The following RANBP2 variants were observed in gnomAD, a reference collection of about 807,000 sequenced individuals.
RANBP2 encodes the protein RAN binding protein 2, also known as E3 SUMO-protein ligase RanBP2.
Under a neutral mutation model 303.6 loss-of-function variants are expected in RANBP2, and 57 were observed. The ratio of observed to expected loss-of-function variants is 0.19; its 90% CI spans 0.15 to 0.23. The LOEUF (loss-of-function observed/expected upper bound fraction) is 0.23. RANBP2 is among the 10% of genes least tolerant of loss of function. The pLI is 1.00. For synonymous variants in RANBP2, 1,167 were observed against 1,301.5 expected, an observed-to-expected ratio of 0.90 and a Z score of 2.23; for missense variants, 3,138 against 3,780.8, an observed-to-expected ratio of 0.83 and a Z score of 4.46.
At chr2:108,960,148 G>A in the RANBP2 span, among the ~76,000 whole-genome samples, 2 of 152,176 alleles carry the variant, frequency 1.3e-5, no homozygotes, top group Non-Finnish European at 1.5e-5. Flanking sequence ...AGCGGGGTGG[G>A]GATCCCAGCC....
At chr2:109,299,923 A>C in the RANBP2 span, among the ~76,000 whole-genome samples, 1 of 152,238 alleles carries the variant, frequency 6.6e-6, no homozygotes, top group Non-Finnish European at 1.5e-5. Flanking sequence ...GTGCAGAGCC[A>C]GCTCTTAGCA....
the RANBP2 span, among the ~76,000 whole-genome samples, chr2:109,645,824 ATG>A: frequency 6.6e-6 from 1 of 152,166 alleles, no homozygotes; most frequent in Non-Finnish European, 1.5e-5. Flanking sequence ...TAAGTCCAGC[ATG>A]AGTGTTCATT....
At chr2:108,753,742 A>G (rs1289965916) in intron 14 of RANBP2, 83 bp from the exon 15 acceptor site, 54 of 1,608,264 alleles carry the variant, frequency 3.4e-5, no homozygotes, top group Non-Finnish European at 4.2e-5. Context: ...CTGGGATTAC[A>G]GGCATGAGCC....
At chr2:108,954,778 C>T in the RANBP2 span, among the ~76,000 whole-genome samples, 11 of 151,990 alleles carry the variant, frequency 7.2e-5, no homozygotes, top group East Asian at 1.4e-3. Context: ...CAGGTTCAAG[C>T]GATTCTCCTG....
the RANBP2 span, among the ~76,000 whole-genome samples, chr2:109,651,105 T>A: frequency 6.6e-6 from 1 of 152,086 alleles, no homozygotes; most frequent in South Asian, 2.1e-4. Context: ...TTCTCCTTCA[T>A]ACATCCTCTC....
At chr2:109,163,004 T>A in the RANBP2 span, among the ~76,000 whole-genome samples, 1 of 152,214 alleles carries the variant, frequency 6.6e-6, no homozygotes, top group African/African-American at 2.4e-5. Flanking sequence ...ACTCCTTTGA[T>A]TTGGAGGGAA....
At chr2:109,565,929 T>G in the RANBP2 span, 2 of 1,315,136 alleles carry the variant, frequency 1.5e-6, no homozygotes, top group African/African-American at 2.9e-5. Context: ...AAATTTTATG[T>G]GAGAGAGAAG....
the RANBP2 span, among the ~76,000 whole-genome samples, chr2:109,444,410 C>A: frequency 6.6e-6 from 1 of 152,172 alleles, no homozygotes; most frequent in African/African-American, 2.4e-5. Context: ...AAAAAGCAGG[C>A]CTTGTTGGGT....
At chr2:109,361,671 T>C in the RANBP2 span, among the ~76,000 whole-genome samples, 1 of 152,192 alleles carries the variant, frequency 6.6e-6, no homozygotes, top group Non-Finnish European at 1.5e-5. Context: ...AGATGGGGTT[T>C]CACCATGTTG....
At chr2:108,836,375 A>C in the RANBP2 span, among the ~76,000 whole-genome samples, 1 of 152,216 alleles carries the variant, frequency 6.6e-6, no homozygotes, top group African/African-American at 2.4e-5. Flanking sequence ...TTGTTTATGC[A>C]TGAATACCAC....
At chr2:109,475,269 G>A in the RANBP2 span, among the ~76,000 whole-genome samples, 3 of 152,194 alleles carry the variant, frequency 2.0e-5, no homozygotes, top group Admixed American at 6.5e-5. Flanking sequence ...GAGCCACCAC[G>A]CCCGGCTTCA....
chr2:109,016,797 G>A, the RANBP2 span, among the ~76,000 whole-genome samples: 1 of 152,236 alleles, frequency 6.6e-6, no homozygotes, highest in South Asian at 2.1e-4. Flanking sequence ...TGAGTTTGGG[G>A]TGGCGTTTTA....
At chr2:109,577,816 G>A in the RANBP2 span, among the ~76,000 whole-genome samples, 1 of 150,412 alleles carries the variant, frequency 6.6e-6, no homozygotes, top group African/African-American at 2.4e-5. Flanking sequence ...AGGAGGCTGA[G>A]GCTTAAGAAT....
chr2:109,629,857 A>T, the RANBP2 span, among the ~76,000 whole-genome samples: 4 of 152,150 alleles, frequency 2.6e-5, no homozygotes, highest in Non-Finnish European at 2.9e-5. Context: ...AAATACACAC[A>T]TACGTTATGT....
At chr2:109,425,508 A>T in the RANBP2 span, among the ~76,000 whole-genome samples, 31 of 152,334 alleles carry the variant, frequency 2.0e-4, no homozygotes, top group African/African-American at 7.5e-4. Context: ...TTAGGGGCTA[A>T]TGCAGCTGGT....
chr2:109,386,529 C>T, the RANBP2 span, among the ~76,000 whole-genome samples: 6 of 152,226 alleles, frequency 3.9e-5, no homozygotes, highest in Non-Finnish European at 8.8e-5. Context: ...CCAGCGTTAG[C>T]TGGATCTTGG....
Position 108,753,941 on chromosome 2 carries a change from C to G in RANBP2, c.2172C>G (p.Asp724Glu). 6.2e-7 allele frequency: 1 copy of G among 1,611,894 alleles called. No homozygotes were observed. Among genetic ancestry groups the G allele is most frequent in the Non-Finnish European group, 8.5e-7 (1 of 1,179,836 alleles). The change falls in exon 15 of 29, where the codon GAC becomes GAG. Residue 724 changes from aspartate to glutamate, a missense_variant. Physicochemically the swap from Asp to Glu is conservative, Grantham distance 45 (BLOSUM62 2). Coordinates refer to ENST00000283195, the MANE Select transcript of RANBP2 (RefSeq NM_006267.5). ...ACTACCTAATAAAGATTATAGATGACAGTGATTCAAATCTTTCAGTGGTCA... is the reference window on the plus strand; with the variant it reads ...ACTACCTAATAAAGATTATAGATGAGAGTGATTCAAATCTTTCAGTGGTCA... ...TRDYLIKIID[D>E]SDSNLSVVKK...
At chr2:109,594,503 C>T in the RANBP2 span, among the ~76,000 whole-genome samples, 2 of 152,126 alleles carry the variant, frequency 1.3e-5, no homozygotes, top group Non-Finnish European at 1.5e-5. Flanking sequence ...GAGACTGTTT[C>T]GCAGTAGTAT....
the RANBP2 span, among the ~76,000 whole-genome samples, chr2:109,777,393 T>G: frequency 6.9e-6 from 1 of 144,490 alleles, no homozygotes; most frequent in Non-Finnish European, 1.5e-5. Context: ...TTGACTGATT[T>G]TTATATGTTG....
Sources: gnomAD v4.1 joint callset for allele counts (sites outside exome capture counted in the v4.1 genomes callset) on GRCh38, gnomAD v4.1.1 for gene constraint, MANE v1.5 for transcripts, NCBI Gene and HGNC (gene_info 2026-07-23, HGNC 2026-07-21) for gene names.